The following P3H2 variants were observed in gnomAD, a reference collection of about 807,000 sequenced individuals.
The protein encoded by P3H2 is leprecan-like 1.
Under a neutral mutation model 87.0 loss-of-function variants are expected in P3H2, and 80 were observed. The observed-to-expected ratio is 0.92, with a 90% CI of 0.77 to 1.11. The LOEUF is 1.11. Ranked by LOEUF, P3H2 falls within the 50% of genes least tolerant of loss-of-function variation. The probability of loss-of-function intolerance (pLI) is 0.00; values close to 1 mark genes in which losing one functional copy is unlikely to be tolerated. For missense variants in P3H2, 1,001 were observed against 923.9 expected, an observed-to-expected ratio of 1.08 and a Z score of -1.08; for synonymous variants, 367 against 359.3, an observed-to-expected ratio of 1.02 and a Z score of -0.24.
chr3:190,092,583 G>C (rs1267519140), intron 1 of P3H2, among the ~76,000 whole-genome samples: 1 of 152,212 alleles, frequency 6.6e-6, no homozygotes, highest in Admixed American at 6.5e-5. Flanking sequence ...TGCTGTTCTA[G>C]TTATCCAGCA....
chr3:190,038,125 T>C (rs1666391), intron 1 of P3H2, among the ~76,000 whole-genome samples: 87,940 of 151,730 alleles, frequency 0.58, 27,462 homozygotes, highest in Admixed American at 0.71. Flanking sequence ...ATTCATACTG[T>C]TTCACAAAAT....
chr3:190,064,146 C>T (rs1341895702), intron 1 of P3H2, among the ~76,000 whole-genome samples: 1 of 149,286 alleles, frequency 6.7e-6, no homozygotes, highest in Non-Finnish European at 1.5e-5. Context: ...CACACACCAC[C>T]ACACCTAACT....
intron 1 of P3H2, among the ~76,000 whole-genome samples, chr3:190,050,608 T>C: frequency 6.6e-6 from 1 of 152,136 alleles, no homozygotes; most frequent in South Asian, 2.1e-4. Flanking sequence ...GTCAATTCTC[T>C]ACAGTTCTAT....
At chr3:190,059,052 G>A (rs896244161) in intron 1 of P3H2, among the ~76,000 whole-genome samples, 2 of 152,062 alleles carry the variant, frequency 1.3e-5, no homozygotes, top group Non-Finnish European at 2.9e-5. Context: ...CTGATACCCA[G>A]GACTTCCTTT....
intron 1 of P3H2, among the ~76,000 whole-genome samples, chr3:190,031,745 C>CAAA (rs3062146): frequency 0.56 from 83,802 of 150,442 alleles, 25,518 homozygotes; most frequent in Admixed American, 0.7. Context: ...GATAAATTTG[C>CAAA]AAAAAAAATG....
intron 1 of P3H2, among the ~76,000 whole-genome samples, chr3:190,003,470 A>G (rs1724278004): frequency 6.7e-6 from 1 of 149,882 alleles, no homozygotes; most frequent in Non-Finnish European, 1.5e-5. Context: ...ATTAGAGACT[A>G]TTAAAAATGA....
At chr3:189,971,129 T>C (rs183102227) in intron 12 of P3H2, among the ~76,000 whole-genome samples, 22 of 152,370 alleles carry the variant, frequency 1.4e-4, no homozygotes, top group African/African-American at 5.3e-4. Context: ...TGTCAAAGCT[T>C]GTCTCACATT....
chr3:190,026,255 C>T (rs1007090856), intron 1 of P3H2, among the ~76,000 whole-genome samples: 7 of 152,058 alleles, frequency 4.6e-5, no homozygotes, highest in Non-Finnish European at 8.8e-5. Context: ...ATTGTTGTGT[C>T]AGAGACGTTT....
rs1724875164 is a variant in P3H2 at position 190,019,691 on chromosome 3, A to T, written c.481-24249T>A. ...CCTCCTGTCAAAAGCCTCATTTATA[A>T]TAATAGCAATGATGATCCTTGCTTG... On this transcript the variant is annotated intron_variant, in intron 1 of 14. Coordinates refer to ENST00000319332, the MANE Select transcript of P3H2 (RefSeq NM_018192.4). Among the ~76,000 whole-genome samples, 2 of 129,550 alleles carry T rather than the reference A, an allele frequency of 1.5e-5. 1 individual carries two copies. Among genetic ancestry groups the T allele is most frequent in the South Asian group, 5.7e-4 (2 of 3,506 alleles). 85.0% of individuals were successfully genotyped at this position (129,550 alleles called of 152,430 possible). A position where few individuals can be genotyped will look rare whatever the true frequency, so the allele number is the denominator to read the frequency against.
chr3:190,120,202 G>A lies in P3H2; in HGVS notation c.480+50C>T, dbSNP rs201771238. 18 of 1,586,322 alleles carry A rather than the reference G, an allele frequency of 1.1e-5. 1 individual carries two copies. The Admixed American group carries it at 3.0e-4, about 27-fold the overall frequency. On this transcript the variant is annotated intron_variant, in intron 1 of 14. Coordinates refer to ENST00000319332, the MANE Select transcript of P3H2 (RefSeq NM_018192.4). ...GGGGCAGCAGGGAGGGCTCAAGAGAGCGTGTGAGAGCCGCAGGGGCTTTGC... is the reference window on the plus strand; with the variant it reads ...GGGGCAGCAGGGAGGGCTCAAGAGAACGTGTGAGAGCCGCAGGGGCTTTGC...
Position 189,973,008 on chromosome 3 carries a change from C to T in P3H2, c.1565G>A (p.Arg522Gln), listed in dbSNP as rs139465966. ...LKALKSGYEG[R>Q]VPLKSARLFY... Reference sequence around the variant, plus strand: ...CAGACGAGCGCTCTTCAGTGGGACTCGACCTTCATAACCAGACTGAAAAAA... The same window carrying T: ...CAGACGAGCGCTCTTCAGTGGGACTTGACCTTCATAACCAGACTGAAAAAA... Residue 522 changes from arginine (R) to glutamine (Q), a missense_variant, in exon 11 of 15, where the codon CGA becomes CAA. Coordinates refer to ENST00000319332, the MANE Select transcript of P3H2 (RefSeq NM_018192.4). 1.2e-5 allele frequency: 20 copies of T among 1,608,202 alleles called. No individual in the cohort carries two copies. The highest frequency in any genetic ancestry group is 3.3e-4 in the Middle Eastern group (2 of 6,078).
chr3:189,963,980 A>G lies in P3H2; in HGVS notation c.2012T>C (p.Leu671Ser), dbSNP rs757612412. Residue 671 changes from leucine to serine, a missense_variant, in exon 14 of 15, where the codon TTG becomes TCG. Transcript: ENST00000319332. Reference protein sequence around the residue: ...KRCAVALWFTLDPLYRELERI... With the variant: ...KRCAVALWFTSDPLYRELERI... ...CACCAATTCTCTATAAAGTGGGTCC[A>G]AGGTGAACCACAGAGCCACAGCACA... The G allele has an allele frequency of 3.7e-6, 6 of 1,614,204 alleles. No individual in the cohort carries two copies. Among genetic ancestry groups the G allele is most frequent in the Non-Finnish European group, 5.1e-6 (6 of 1,180,032 alleles).
chr3:190,035,144 T>A (rs1215806157), intron 1 of P3H2, among the ~76,000 whole-genome samples: 2 of 152,100 alleles, frequency 1.3e-5, no homozygotes, highest in African/African-American at 4.8e-5. Context: ...CCACCGCATC[T>A]GCCCCCAAAT....
intron 1 of P3H2, among the ~76,000 whole-genome samples, chr3:190,035,651 C>G (rs1725396405): frequency 6.6e-6 from 1 of 152,120 alleles, no homozygotes; most frequent in Non-Finnish European, 1.5e-5. Flanking sequence ...TTTATTGATA[C>G]TGTTATCATG....
chr3:190,090,571 C>T (rs555298465), intron 1 of P3H2, among the ~76,000 whole-genome samples: 10 of 152,060 alleles, frequency 6.6e-5, no homozygotes, highest in Admixed American at 2.0e-4. Flanking sequence ...GGCATGGTGG[C>T]GGGCACCTGT....
At chr3:190,075,755 G>A (rs1339203627) in intron 1 of P3H2, among the ~76,000 whole-genome samples, 1 of 152,100 alleles carries the variant, frequency 6.6e-6, no homozygotes, top group Non-Finnish European at 1.5e-5. Flanking sequence ...ACCTGAAAAG[G>A]ATTAATAGGA....
chr3:190,009,354 T>C (rs574963730), intron 1 of P3H2, among the ~76,000 whole-genome samples: 3 of 152,310 alleles, frequency 2.0e-5, no homozygotes, highest in South Asian at 2.1e-4. Flanking sequence ...AGAAAGTCTA[T>C]GTTGTTAGTT....
intron 1 of P3H2, among the ~76,000 whole-genome samples, chr3:190,109,121 T>C (rs969537855): frequency 6.6e-6 from 1 of 152,236 alleles, no homozygotes; most frequent in African/African-American, 2.4e-5. Context: ...GAGACAGATA[T>C]CAGAGTGGGA....
intron 8 of P3H2, among the ~76,000 whole-genome samples, chr3:189,976,341 G>A (rs13072641): frequency 0.54 from 81,532 of 152,064 alleles, 22,460 homozygotes; most frequent in East Asian, 0.8. Context: ...ACAGTTCCAC[G>A]TCTGGGGAGG....
Sources: allele counts gnomAD v4.1 joint callset (sites outside exome capture counted in the v4.1 genomes callset), GRCh38; gene constraint gnomAD v4.1.1; transcripts MANE v1.5; gene names NCBI Gene and HGNC (gene_info 2026-07-23, HGNC 2026-07-21).